The following GFRA2 variants were observed in gnomAD, a reference collection of about 807,000 sequenced individuals.
GFRA2 encodes the protein GDNF family receptor alpha-2.
GFRA2 carries 17 observed loss-of-function variants against 48.3 expected under a neutral mutation model. The observed-to-expected ratio is 0.35, with a 90% CI of 0.24 to 0.53. The LOEUF (loss-of-function observed/expected upper bound fraction) is 0.53. Ranked by LOEUF, GFRA2 falls within the 20% of genes least tolerant of loss-of-function variation. GFRA2 has a pLI of 0.93. For missense variants in GFRA2, 660 were observed against 637.3 expected (o/e 1.04, Z -0.38); for synonymous variants, 305 against 257.2 (o/e 1.19, Z -1.78).
intron 3 of GFRA2, among the ~76,000 whole-genome samples, chr8:21,759,514 G>GAAGGAAGGAAGGAAGA (rs1218184225): frequency 6.8e-6 from 1 of 146,726 alleles, no homozygotes; most frequent in Non-Finnish European, 1.5e-5. Context: ...AGGAAGGAAG[G>GAAGGAAGGAAGGAAGA]AAGGAAGGAA....
chr8:21,808,450 A>G (rs1272832245), intron 1 of GFRA2, among the ~76,000 whole-genome samples: 3 of 152,208 alleles, frequency 2.0e-5, no homozygotes, highest in African/African-American at 7.2e-5. Context: ...TGGACAGGGA[A>G]TTGAAATAAA....
intron 4 of GFRA2, among the ~76,000 whole-genome samples, chr8:21,734,425 G>A (rs1276911090): frequency 2.6e-5 from 4 of 152,258 alleles, no homozygotes; most frequent in South Asian, 2.1e-4. Flanking sequence ...CTGCAGGCCA[G>A]CAGAGGCACT....
intron 3 of GFRA2, among the ~76,000 whole-genome samples, chr8:21,753,126 G>A (rs1273269683): frequency 1.3e-5 from 2 of 152,122 alleles, no homozygotes; most frequent in African/African-American, 4.8e-5. Flanking sequence ...GCTCATTCGG[G>A]GGCTTCAGCA....
rs956396172 is a variant in GFRA2, at chr8:21,702,917, G to A, written c.1106C>T (p.Ser369Leu). ...TDVNVSPKGPSFQATQAPRVE... is the reference protein window; with the variant it reads ...TDVNVSPKGPLFQATQAPRVE... ...CCGAGGGGCCTGGGTGGCCTGGAAC[G>A]AGGGGCCTTTTGGGGACACGTTCAC... The change falls in exon 7 of 9, where the codon TCG becomes TTG. Residue 369 changes from serine (S) to leucine (L), a missense_variant. Coordinates refer to ENST00000524240, the MANE Select transcript of GFRA2 (RefSeq NM_001495.5). The A allele has an allele frequency of 8.2e-6, 13 of 1,586,506 alleles. No individual in the cohort carries two copies. The highest frequency in any genetic ancestry group is 1.2e-5 in the South Asian group (1 of 86,010).
At chr8:21,802,869 G>T (rs954341353) in intron 2 of GFRA2, among the ~76,000 whole-genome samples, 86 of 152,286 alleles carry the variant, frequency 5.6e-4, no homozygotes, top group Admixed American at 4.6e-4. Flanking sequence ...CTTCCCAGGA[G>T]GTACTTCCAT....
chr8:21,796,376 G>C (rs888960521), intron 2 of GFRA2, among the ~76,000 whole-genome samples: 7 of 152,222 alleles, frequency 4.6e-5, no homozygotes, highest in Non-Finnish European at 7.3e-5. Flanking sequence ...CCAAGCCTTG[G>C]GGAGCCGGCT....
chr8:21,754,956 C>T (rs1805497339), intron 3 of GFRA2, among the ~76,000 whole-genome samples: 1 of 152,098 alleles, frequency 6.6e-6, no homozygotes, highest in African/African-American at 2.4e-5. Flanking sequence ...ACGGAGAAAA[C>T]CTACATGAAA....
intron 4 of GFRA2, chr8:21,706,276 C>T (rs1802741342): frequency 1.6e-6 from 1 of 644,602 alleles, no homozygotes; most frequent in African/African-American, 1.8e-5. Flanking sequence ...TTAAGAAAAA[C>T]CCAGTCATTG....
At chr8:21,757,425 A>G (rs1406056488) in intron 3 of GFRA2, among the ~76,000 whole-genome samples, 2 of 151,838 alleles carry the variant, frequency 1.3e-5, no homozygotes, top group Non-Finnish European at 2.9e-5. Flanking sequence ...ACCAAATTTC[A>G]ATTCCCTATC....
At position 21,750,609 on chromosome 8, in the gene GFRA2, C is replaced by A; in HGVS notation, c.773G>T (p.Cys258Phe). The A allele has an allele frequency of 6.2e-7, 1 of 1,608,970 alleles. No individual in the cohort carries two copies. Among genetic ancestry groups the A allele is most frequent in the Non-Finnish European group, 8.5e-7 (1 of 1,177,368 alleles). ...KPNCLDLRGV[C>F]RTDHLCRSRL... ...TCACCGACACAGGTGGTCAGTCCGG[C>A]ACACGCCACGCAGGTCCAGGCAGTT... The change falls in exon 4 of 9, where the codon TGC becomes TTC. Residue 258 changes from cysteine (C) to phenylalanine (F), a missense_variant. Physicochemically the swap from Cys to Phe is radical, Grantham distance 205 (BLOSUM62 -2). Coordinates refer to ENST00000524240, the MANE Select transcript of GFRA2 (RefSeq NM_001495.5). This position sits in a 1 kb window ranked among gnomAD's most constrained non-coding sequence, Gnocchi z 5.7.
At chr8:21,730,171 G>A (rs531436111) in intron 4 of GFRA2, among the ~76,000 whole-genome samples, 20 of 152,256 alleles carry the variant, frequency 1.3e-4, no homozygotes, top group Middle Eastern at 6.8e-3. Flanking sequence ...TTGGGAGGCT[G>A]AGGTGGGTGG....
chr8:21,799,593 C>G (rs1257805535), intron 2 of GFRA2, among the ~76,000 whole-genome samples: 1 of 152,188 alleles, frequency 6.6e-6, no homozygotes, highest in African/African-American at 2.4e-5. Flanking sequence ...AAGACTCAGT[C>G]CATTCATGGG....
chr8:21,778,928 A>C (rs1806839443), intron 2 of GFRA2, among the ~76,000 whole-genome samples: 1 of 152,140 alleles, frequency 6.6e-6, no homozygotes, highest in African/African-American at 2.4e-5. Flanking sequence ...GGCCAGGCAC[A>C]AGCGGCCCAC....
chr8:21,753,880 T>A (rs1360124591), intron 3 of GFRA2, among the ~76,000 whole-genome samples: 1 of 152,170 alleles, frequency 6.6e-6, no homozygotes. Flanking sequence ...TTCCCTCCAT[T>A]CCAGCCACCC....
intron 4 of GFRA2, among the ~76,000 whole-genome samples, chr8:21,747,335 T>C (rs1805055330): frequency 6.6e-6 from 1 of 152,200 alleles, no homozygotes; most frequent in Non-Finnish European, 1.5e-5. Flanking sequence ...TCAAGTTCAG[T>C]CACTGTGGCA....
intron 3 of GFRA2, among the ~76,000 whole-genome samples, chr8:21,773,288 G>T (rs1806524186): frequency 6.6e-6 from 1 of 152,296 alleles, no homozygotes; most frequent in South Asian, 2.1e-4. Context: ...CCCCACTGGG[G>T]GTTATGATGC....
intron 2 of GFRA2, chr8:21,780,972 A>T (rs1248334595): frequency 6.6e-6 from 1 of 152,154 alleles, no homozygotes; most frequent in African/African-American, 2.4e-5. Flanking sequence ...AAAAATATTT[A>T]AAAATTAGCT....
chr8:21,697,668 G>A (rs945265867), intron 7 of GFRA2, among the ~76,000 whole-genome samples: 1 of 152,032 alleles, frequency 6.6e-6, no homozygotes, highest in African/African-American at 2.4e-5. Flanking sequence ...ATATGGTTTG[G>A]CTGTGTCTCC....
At chr8:21,771,415 C>T (rs1265102724) in intron 3 of GFRA2, among the ~76,000 whole-genome samples, 1 of 152,184 alleles carries the variant, frequency 6.6e-6, no homozygotes, top group African/African-American at 2.4e-5. Context: ...ACATCACTGT[C>T]GCTGTGACTC....
Sources: gnomAD v4.1 joint callset for allele counts (sites outside exome capture counted in the v4.1 genomes callset) on GRCh38, gnomAD v4.1.1 for gene constraint, Gnocchi (gnomAD v3.1) non-coding constraint, MANE v1.5 for transcripts, NCBI Gene and HGNC (gene_info 2026-07-23, HGNC 2026-07-21) for gene names.